SHROOM2: variants seen among roughly 807,000 people sequenced by gnomAD.
SHROOM2 encodes the protein protein Shroom2.
A neutral mutation model predicts 75.9 loss-of-function variants in SHROOM2; 33 were observed. The observed-to-expected ratio is 0.43, with a 90% CI of 0.33 to 0.58. The LOEUF (loss-of-function observed/expected upper bound fraction) is 0.58, where lower values mean the gene tolerates loss of function less well. Ranked by LOEUF, SHROOM2 falls within the 20% of genes least tolerant of loss-of-function variation. The pLI is 0.04. For missense variants in SHROOM2, 1,434 were observed against 1,461.2 expected (o/e 0.98, Z 0.30); for synonymous variants, 655 against 663.6 (o/e 0.99, Z 0.20).
In SHROOM2 at chrX:9,926,753, G is replaced by A. The variant is rs1325451842; in HGVS notation, c.2892-5422G>A. On this transcript the variant is annotated intron_variant, in intron 5 of 9. Coordinates refer to ENST00000380913, the MANE Select transcript of SHROOM2 (RefSeq NM_001649.4). Reference sequence around the variant, plus strand: ...TTTGTTTCGTGCACAAAATTATTAAGCATATTGTATAAAATTACCTTCAGG... The same window carrying A: ...TTTGTTTCGTGCACAAAATTATTAAACATATTGTATAAAATTACCTTCAGG... 7.2e-5 allele frequency among the ~76,000 whole-genome samples: 8 copies of A among 111,116 alleles called. 1 individual carries two copies.
intron 6 of SHROOM2, among the ~76,000 whole-genome samples, chrX:9,933,257 C>T (rs765156656): frequency 1.8e-5 from 2 of 110,577 alleles, no homozygotes; most frequent in African/African-American, 6.6e-5. Context: ...CCTAAGCATG[C>T]GACCTTTAGG....
At chrX:9,941,004 C>A (rs976901705) in intron 8 of SHROOM2, among the ~76,000 whole-genome samples, 1 of 111,813 alleles carries the variant, frequency 8.9e-6, no homozygotes, top group Non-Finnish European at 1.9e-5. Context: ...AGAAGCATCA[C>A]GCAGAGATGA....
In SHROOM2 at chrX:9,947,035, A is replaced by G. The variant is rs2084827827; in HGVS notation, c.*98A>G. The stretch of plus-strand genomic sequence containing the variant: ...GACCCCATCTGTGTTCATGGCCTGG[A>G]AAGAGACTTCTCCCATAGCAAAGAG... On this transcript the variant is annotated 3_prime_UTR_variant, in exon 10 of 10. Coordinates refer to ENST00000380913, the MANE Select transcript of SHROOM2 (RefSeq NM_001649.4). 1.2e-6 allele frequency: 1 copy of G among 847,135 alleles called. No homozygotes were observed. 69.8% of individuals were successfully genotyped at this position (847,135 alleles called of 1,213,427 possible). A position where few individuals can be genotyped will look rare whatever the true frequency, so the allele number is the denominator to read the frequency against.
chrX:9,818,247 C>A, intron 1 of SHROOM2: 1 of 204,026 alleles, frequency 4.9e-6, no homozygotes, highest in South Asian at 9.8e-5. Context: ...TAAATGGCAT[C>A]AATATCAATG....
At position 9,932,392 on chromosome X, in the gene SHROOM2, C is replaced by T; in HGVS notation, c.3109C>T (p.Pro1037Ser). The change falls in exon 6 of 10, where the codon CCT (proline) becomes TCT (serine). Residue 1037 changes from proline (P) to serine (S), a missense_variant. Coordinates refer to ENST00000380913, the MANE Select transcript of SHROOM2 (RefSeq NM_001649.4). ...PADLGPRAQS[P>S]GSPLHARGQD... ...AGACTTGGGACCCCGAGCCCAGAGCCCTGGCTCACCCCTGCATGCTCGAGG... is the reference window on the plus strand; with the variant it reads ...AGACTTGGGACCCCGAGCCCAGAGCTCTGGCTCACCCCTGCATGCTCGAGG... The T allele has an allele frequency of 9.9e-6, 12 of 1,208,798 alleles. No individual in the cohort carries two copies. Among genetic ancestry groups the T allele is most frequent in the Non-Finnish European group, 1.2e-5 (11 of 893,878 alleles).
chrX:9,802,172 A>G (rs955397099), intron 1 of SHROOM2, among the ~76,000 whole-genome samples: 3 of 106,857 alleles, frequency 2.8e-5, no homozygotes, highest in Non-Finnish European at 5.8e-5. Flanking sequence ...GGCTCAAGTG[A>G]TCTTCCCACC....
chrX:9,788,453 G>T (rs1344577310), intron 1 of SHROOM2, among the ~76,000 whole-genome samples: 1 of 111,498 alleles, frequency 9.0e-6, no homozygotes, highest in Non-Finnish European at 1.9e-5. Flanking sequence ...GGGAGTGCGT[G>T]TAGTAGAACT....
At chrX:9,907,271 A>G (rs1369167421) in intron 5 of SHROOM2, among the ~76,000 whole-genome samples, 1 of 110,904 alleles carries the variant, frequency 9.0e-6, no homozygotes, top group Non-Finnish European at 1.9e-5. Context: ...AGGCACAGGT[A>G]GTTTTACCTG....
At chrX:9,814,604 C>T (rs935592346) in intron 1 of SHROOM2, among the ~76,000 whole-genome samples, 27 of 111,081 alleles carry the variant, frequency 2.4e-4, no homozygotes, top group African/African-American at 8.5e-4. Flanking sequence ...CAGGGGAGGC[C>T]ATCACTGTTG....
At chrX:9,803,597 A>G (rs1343462299) in intron 1 of SHROOM2, among the ~76,000 whole-genome samples, 1 of 111,256 alleles carries the variant, frequency 9.0e-6, no homozygotes, top group African/African-American at 3.3e-5. Flanking sequence ...AGCAGAACTG[A>G]CTGCCACACA....
intron 5 of SHROOM2, among the ~76,000 whole-genome samples, chrX:9,903,293 T>TGTG (rs953794526): frequency 8.9e-6 from 1 of 112,560 alleles, no homozygotes; most frequent in African/African-American, 3.2e-5. Flanking sequence ...TCTGAGCTGC[T>TGTG]GTGCTAGGTA....
At position 9,895,279 on chromosome X, in the gene SHROOM2, T is replaced by G; in HGVS notation, c.1371T>G (p.Pro457=). 1.7e-6 allele frequency: 2 copies of G among 1,180,428 alleles called. No homozygotes were observed. The highest frequency in any genetic ancestry group is 2.3e-6 in the Non-Finnish European group (2 of 879,730). ...PGAASFQNDS[P]PQVRGLSSCD... ...CTGCCAGCTTCCAGAACGACAGCCC[T>G]CCTCAGGTGAGGGGGCTCAGCAGCT... Residue 457 remains proline (P), a synonymous_variant, in exon 4 of 10, where the codon CCT becomes CCG. Coordinates refer to ENST00000380913, the MANE Select transcript of SHROOM2 (RefSeq NM_001649.4).
chrX:9,886,055 G>A (rs1292009340), intron 2 of SHROOM2, among the ~76,000 whole-genome samples: 12 of 112,498 alleles, frequency 1.1e-4, no homozygotes, highest in Non-Finnish European at 3.8e-5. Flanking sequence ...CAGCTTCTGG[G>A]TTTGTTTTCA....
chrX:9,924,211 G>A (rs988796639), intron 5 of SHROOM2, among the ~76,000 whole-genome samples: 1 of 112,312 alleles, frequency 8.9e-6, no homozygotes, highest in East Asian at 2.8e-4. Flanking sequence ...TGTGAGAACA[G>A]CTGTGTCCTT....
chrX:9,900,580 A>G (rs772218781), intron 5 of SHROOM2, among the ~76,000 whole-genome samples: 5 of 112,270 alleles, frequency 4.5e-5, no homozygotes, highest in African/African-American at 6.5e-5. Flanking sequence ...GTTGTTGCTC[A>G]TGTGAACCAA....
At chrX:9,935,472 G>A (rs889331868) in intron 6 of SHROOM2, among the ~76,000 whole-genome samples, 3 of 111,184 alleles carry the variant, frequency 2.7e-5, no homozygotes, top group Non-Finnish European at 5.7e-5. Context: ...GAGCCACTGT[G>A]CCTAGCCAGG....
At chrX:9,811,137 A>G (rs1220539600) in intron 1 of SHROOM2, among the ~76,000 whole-genome samples, 1 of 112,182 alleles carries the variant, frequency 8.9e-6, no homozygotes. Flanking sequence ...GAAGAGGTCC[A>G]GTATAATCAA....
chrX:9,933,998 T>G (rs1168331283), intron 6 of SHROOM2, among the ~76,000 whole-genome samples: 1 of 111,289 alleles, frequency 9.0e-6, no homozygotes, highest in Non-Finnish European at 1.9e-5. Flanking sequence ...GGGGGTGCTC[T>G]CTGCATCTAG....
intron 5 of SHROOM2, among the ~76,000 whole-genome samples, chrX:9,899,869 C>T (rs764555118): frequency 8.9e-6 from 1 of 112,486 alleles, no homozygotes; most frequent in East Asian, 2.8e-4. Context: ...TGCAGTGCAT[C>T]GTGGGCAGTG....
Sources: gnomAD v4.1 joint callset for allele counts (sites outside exome capture counted in the v4.1 genomes callset) on GRCh38, gnomAD v4.1.1 for gene constraint, MANE v1.5 for transcripts, NCBI Gene and HGNC (gene_info 2026-07-23, HGNC 2026-07-21) for gene names.